The following RAPGEF4 variants were observed in gnomAD, a reference collection of about 807,000 sequenced individuals.
The protein encoded by RAPGEF4 is Rap guanine nucleotide exchange factor 4.
RAPGEF4 carries 66 observed loss-of-function variants against 147.9 expected under a neutral mutation model. The ratio of observed to expected loss-of-function variants is 0.45; its 90% CI spans 0.37 to 0.55. The LOEUF (loss-of-function observed/expected upper bound fraction) is 0.55. Ranked by LOEUF, RAPGEF4 falls within the 20% of genes least tolerant of loss-of-function variation. The pLI, the probability that RAPGEF4 is intolerant of heterozygous loss-of-function variation, is 0.00. For synonymous variants in RAPGEF4, 419 were observed against 442.7 expected (o/e 0.95, Z 0.67); for missense variants, 1,071 against 1,257.3 (o/e 0.85, Z 2.24).
chr2:172,785,168 T>C (rs1685079593), intron 1 of RAPGEF4, among the ~76,000 whole-genome samples: 1 of 152,226 alleles, frequency 6.6e-6, no homozygotes, highest in Admixed American at 6.5e-5. Context: ...AGGGCTGCAA[T>C]GATCAAAATT....
At chr2:172,836,345 T>C (rs1690923906) in intron 4 of RAPGEF4, among the ~76,000 whole-genome samples, 1 of 152,198 alleles carries the variant, frequency 6.6e-6, no homozygotes, top group South Asian at 2.1e-4. Flanking sequence ...GACTCTGTGC[T>C]TTGAGGTTAA....
At chr2:172,880,015 T>G in intron 4 of RAPGEF4, among the ~76,000 whole-genome samples, 1 of 152,168 alleles carries the variant, frequency 6.6e-6, no homozygotes, top group East Asian at 1.9e-4. Flanking sequence ...TGTACACTTT[T>G]CGGGAAGCAT....
chr2:173,024,248 C>T (rs1216577515), intron 23 of RAPGEF4, among the ~76,000 whole-genome samples: 4 of 146,730 alleles, frequency 2.7e-5, no homozygotes, highest in African/African-American at 7.6e-5. Flanking sequence ...GACGGAGTCT[C>T]GCTCTGTCGC....
chr2:173,032,135 C>A (rs1359030409), intron 26 of RAPGEF4, among the ~76,000 whole-genome samples: 2 of 152,176 alleles, frequency 1.3e-5, no homozygotes, highest in African/African-American at 2.4e-5. Context: ...TTACCTGGAG[C>A]ACACACACTC....
intron 17 of RAPGEF4, among the ~76,000 whole-genome samples, chr2:173,005,520 G>T (rs58824881): frequency 0.014 from 1,176 of 86,650 alleles, 63 homozygotes; most frequent in African/African-American, 0.05. Flanking sequence ...GTTGTTTTGT[G>T]TTTTTTTTTT....
chr2:172,781,689 C>G (rs368927307), intron 1 of RAPGEF4, among the ~76,000 whole-genome samples: 3 of 152,112 alleles, frequency 2.0e-5, no homozygotes, highest in East Asian at 1.9e-4. Flanking sequence ...TGCAGACGCT[C>G]GAGACCCTGA....
chr2:173,051,798 C>T lies in RAPGEF4; in HGVS notation c.*31C>T. 1.2e-6 allele frequency: 2 copies of T among 1,609,960 alleles called. No homozygotes were observed. Among genetic ancestry groups the T allele is most frequent in the African/African-American group, 1.3e-5 (1 of 74,966 alleles). On this transcript the variant is annotated 3_prime_UTR_variant, in exon 31 of 31. Coordinates refer to ENST00000397081, the MANE Select transcript of RAPGEF4 (RefSeq NM_007023.4). ...TCAAATGCCCAAAGCAACAGTTTGT[C>T]TCCAGTCCACAATCTTTCAAAAATG...
intron 29 of RAPGEF4, among the ~76,000 whole-genome samples, chr2:173,044,711 G>C (rs774686354): frequency 5.3e-5 from 8 of 152,080 alleles, no homozygotes; most frequent in Non-Finnish European, 7.4e-5. Context: ...GCGACAGGGG[G>C]GTTCAATTTG....
intron 1 of RAPGEF4, among the ~76,000 whole-genome samples, chr2:172,761,453 A>T (rs1559027856): frequency 6.6e-6 from 1 of 151,976 alleles, no homozygotes; most frequent in African/African-American, 2.4e-5. Context: ...GAAGTGGAAC[A>T]TTTTTCAAAT....
In RAPGEF4 at chr2:172,844,491, G is replaced by T. The variant is rs550746229; in HGVS notation, c.444+30066G>T. ...CAGGACCTCTTGCATCCTCTCATTT[G>T]CCTCCTTCCTCTCCTCCTTACAGTG... is the stretch of plus-strand genomic sequence containing the variant. On this transcript the variant is annotated intron_variant, in intron 4 of 30. Transcript: ENST00000397081. 1.3e-3 allele frequency among the ~76,000 whole-genome samples: 200 copies of T among 152,202 alleles called. 1 individual carries two copies. The highest frequency in any genetic ancestry group is 4.1e-3 in the African/African-American group (172 of 41,514).
chr2:172,868,624 T>C (rs1288487631), intron 4 of RAPGEF4, among the ~76,000 whole-genome samples: 1 of 152,220 alleles, frequency 6.6e-6, no homozygotes, highest in African/African-American at 2.4e-5. Context: ...CAGCTATCTG[T>C]CTGAACCTGA....
rs139044423 is a variant in RAPGEF4 at position 172,828,795 on chromosome 2, C to G, written c.444+14370C>G. ...TCCCATGTCTTCAAGACAACGCCTC[C>G]CAGTTCAGGCAAATCACATCAGGAG... is the stretch of plus-strand genomic sequence containing the variant. On this transcript the variant is annotated intron_variant, in intron 4 of 30. Transcript: ENST00000397081. 5.9e-5 allele frequency among the ~76,000 whole-genome samples: 9 copies of G among 152,300 alleles called. No homozygotes were observed. In the East Asian group the frequency reaches 1.7e-3, roughly 29 times the overall value.
chr2:173,040,536 G>A (rs1469508727), intron 29 of RAPGEF4, among the ~76,000 whole-genome samples: 1 of 152,164 alleles, frequency 6.6e-6, no homozygotes, highest in African/African-American at 2.4e-5. Context: ...AGGGGCCGAG[G>A]TCACCAGGGT....
At chr2:172,917,001 T>C (rs1298189611) in intron 4 of RAPGEF4, among the ~76,000 whole-genome samples, 3 of 152,224 alleles carry the variant, frequency 2.0e-5, no homozygotes, top group African/African-American at 7.2e-5. Context: ...GGAGATTGTA[T>C]TTATGACCTG....
chr2:172,880,385 A>G (rs1263913336), intron 4 of RAPGEF4, among the ~76,000 whole-genome samples: 2 of 152,232 alleles, frequency 1.3e-5, no homozygotes, highest in South Asian at 2.1e-4. Flanking sequence ...TACACATTGC[A>G]TAGTAATTCA....
chr2:173,037,470 G>T (rs115997006), intron 29 of RAPGEF4, among the ~76,000 whole-genome samples: 4 of 152,086 alleles, frequency 2.6e-5, no homozygotes, highest in Non-Finnish European at 4.4e-5. Flanking sequence ...TACTCCTAGC[G>T]GGGGGGAAAG....
intron 10 of RAPGEF4, among the ~76,000 whole-genome samples, chr2:172,968,314 C>T (rs1241916115): frequency 1.3e-5 from 2 of 152,100 alleles, no homozygotes; most frequent in Non-Finnish European, 2.9e-5. Context: ...CATGTTTGGC[C>T]GACCTTGGTG....
intron 17 of RAPGEF4, among the ~76,000 whole-genome samples, chr2:173,002,657 C>A (rs1480938113): frequency 1.4e-5 from 2 of 145,622 alleles, no homozygotes; most frequent in African/African-American, 2.5e-5. Context: ...TGAATGTTGG[C>A]ATGTTTTCCT....
chr2:172,907,846 G>T (rs1462225265), intron 4 of RAPGEF4, among the ~76,000 whole-genome samples: 1 of 152,128 alleles, frequency 6.6e-6, no homozygotes, highest in East Asian at 1.9e-4. Flanking sequence ...CTACTATCCA[G>T]AACCATTTAC....
Sources: gnomAD v4.1 joint callset for allele counts (sites outside exome capture counted in the v4.1 genomes callset) on GRCh38, gnomAD v4.1.1 for gene constraint, MANE v1.5 for transcripts, NCBI Gene and HGNC (gene_info 2026-07-23, HGNC 2026-07-21) for gene names.